Variants in GPC4 observed in about 807,000 individuals in gnomAD.
GPC4 encodes glypican 4, also known as glypican-4.
GPC4 carries 10 observed loss-of-function variants against 35.0 expected under a neutral mutation model. The ratio of observed to expected loss-of-function variants is 0.29; its 90% CI spans 0.18 to 0.48. The LOEUF (loss-of-function observed/expected upper bound fraction) is 0.48, where lower values mean the gene tolerates loss of function less well. Ranked by LOEUF, GPC4 falls within the 20% of genes least tolerant of loss-of-function variation. The pLI is 0.99. For synonymous variants in GPC4, 167 were observed against 170.2 expected, an observed-to-expected ratio of 0.98 and a Z score of 0.15; for missense variants, 322 against 451.3, an observed-to-expected ratio of 0.71 and a Z score of 2.60.
chrX:133,305,651 T>C, intron 6 of GPC4, 121 bp downstream of exon 6: 1 of 920,561 alleles, frequency 1.1e-6, no homozygotes, highest in Admixed American at 2.7e-5. Context: ...CACATCCTAT[T>C]TGCTTGAAAA....
intron 1 of GPC4, among the ~76,000 whole-genome samples, chrX:133,361,290 C>T (rs997255829): frequency 8.9e-5 from 10 of 112,025 alleles, no homozygotes; most frequent in Admixed American, 2.8e-4. Flanking sequence ...GCTGGTGATA[C>T]GCTACCAGAA....
chrX:133,369,753 T>C (rs1053304061), intron 1 of GPC4, among the ~76,000 whole-genome samples: 11 of 111,635 alleles, frequency 9.9e-5, no homozygotes, highest in African/African-American at 3.3e-4. Context: ...AGGTTGAGAA[T>C]TGGAGTTTAA....
chrX:133,401,903 G>GTGACAGGTGATGTTTAAGGACCA (rs2124181562), intron 1 of GPC4, among the ~76,000 whole-genome samples: 1 of 112,305 alleles, frequency 8.9e-6, no homozygotes, highest in East Asian at 2.8e-4. Flanking sequence ...CAACATCCTG[G>GTGACAGGTGATGTTTAAGGACCA]TGACAGGTGA....
chrX:133,413,106 A>G (rs1231528105), intron 1 of GPC4, among the ~76,000 whole-genome samples: 3 of 112,419 alleles, frequency 2.7e-5, no homozygotes, highest in African/African-American at 9.7e-5. Flanking sequence ...AGAGTCCCCA[A>G]GCTTCAGCGG....
At chrX:133,337,957 T>C (rs760318103) in intron 2 of GPC4, among the ~76,000 whole-genome samples, 3 of 109,955 alleles carry the variant, frequency 2.7e-5, no homozygotes, top group Non-Finnish European at 5.7e-5. Context: ...TAAGACATAA[T>C]TTTGCACATA....
At chrX:133,381,229 A>C (rs1489078100) in intron 1 of GPC4, among the ~76,000 whole-genome samples, 1 of 112,411 alleles carries the variant, frequency 8.9e-6, no homozygotes, top group Non-Finnish European at 1.9e-5. Context: ...TATGCTCAAG[A>C]ATGCAACAAA....
At chrX:133,313,441 G>C (rs1240175295) in intron 3 of GPC4, among the ~76,000 whole-genome samples, 1 of 112,865 alleles carries the variant, frequency 8.9e-6, no homozygotes, top group Non-Finnish European at 1.9e-5. Context: ...TTAATGTACA[G>C]TAAAATTTTG....
intron 1 of GPC4, among the ~76,000 whole-genome samples, chrX:133,361,693 G>A (rs944218295): frequency 1.3e-4 from 15 of 111,820 alleles, no homozygotes; most frequent in African/African-American, 4.6e-4. Context: ...AAGTGCTCCA[G>A]GGAAATGAAA....
At chrX:133,347,975 GGTA>G (rs1197876755) in intron 1 of GPC4, among the ~76,000 whole-genome samples, 1 of 112,159 alleles carries the variant, frequency 8.9e-6, no homozygotes, top group Non-Finnish European at 1.9e-5. Flanking sequence ...AATCCTGCAA[GGTA>G]GTATAGAGAA....
At chrX:133,386,736 T>C (rs2068692673) in intron 1 of GPC4, among the ~76,000 whole-genome samples, 1 of 112,045 alleles carries the variant, frequency 8.9e-6, no homozygotes, top group African/African-American at 3.2e-5. Flanking sequence ...ATCTATTCTC[T>C]GAGTACAAAG....
chrX:133,399,396 G>A (rs1419598828), intron 1 of GPC4, among the ~76,000 whole-genome samples: 6 of 111,704 alleles, frequency 5.4e-5, no homozygotes, highest in Non-Finnish European at 1.1e-4. Context: ...GAACCTGAAA[G>A]AGCCAATCCT....
chrX:133,378,592 A>G (rs753129702), intron 1 of GPC4, among the ~76,000 whole-genome samples: 26 of 109,160 alleles, frequency 2.4e-4, no homozygotes, highest in African/African-American at 8.7e-4. Flanking sequence ...AAAAAAGAAA[A>G]AAAAAAAAAA....
At chrX:133,389,861 G>A (rs1239793391) in intron 1 of GPC4, among the ~76,000 whole-genome samples, 1 of 111,556 alleles carries the variant, frequency 9.0e-6, no homozygotes, top group Non-Finnish European at 1.9e-5. Context: ...GTTAGATTTC[G>A]GGCAGGAGCA....
intron 1 of GPC4, among the ~76,000 whole-genome samples, chrX:133,362,336 T>C (rs1161116082): frequency 9.0e-6 from 1 of 111,162 alleles, no homozygotes; most frequent in Non-Finnish European, 1.9e-5. Flanking sequence ...AAAATGTCAA[T>C]GTACCAAATG....
intron 3 of GPC4, among the ~76,000 whole-genome samples, chrX:133,320,492 C>T (rs1263383507): frequency 3.7e-5 from 4 of 108,954 alleles, no homozygotes; most frequent in African/African-American, 1.3e-4. Flanking sequence ...CGGGTATGGG[C>T]GCATGCCTGT....
intron 3 of GPC4, among the ~76,000 whole-genome samples, chrX:133,315,517 A>C (rs952589092): frequency 9.0e-6 from 1 of 111,152 alleles, no homozygotes. Flanking sequence ...ATTCATTTTG[A>C]ATAGAAATTC....
At chrX:133,375,616 T>C (rs774144060) in intron 1 of GPC4, among the ~76,000 whole-genome samples, 14 of 112,166 alleles carry the variant, frequency 1.2e-4, no homozygotes, top group Non-Finnish European at 2.6e-4. Flanking sequence ...GGGAATACCA[T>C]AGTCTCTGGC....
chrX:133,393,970 C>T (rs2068731121), intron 1 of GPC4, among the ~76,000 whole-genome samples: 1 of 111,302 alleles, frequency 9.0e-6, no homozygotes, highest in African/African-American at 3.3e-5. Flanking sequence ...ACAATTTAAG[C>T]CATATAAAAA....
At chrX:133,309,947 AT>A (rs1037487583) in intron 4 of GPC4, among the ~76,000 whole-genome samples, 7 of 111,689 alleles carry the variant, frequency 6.3e-5, no homozygotes, top group African/African-American at 2.0e-4. Flanking sequence ...CTTTCATGAG[AT>A]TCTGCTTTTC....
Sources: gnomAD v4.1 joint callset for allele counts (sites outside exome capture counted in the v4.1 genomes callset) on GRCh38, gnomAD v4.1.1 for gene constraint, MANE v1.5 for transcripts, NCBI Gene and HGNC (gene_info 2026-07-23, HGNC 2026-07-21) for gene names.